Variants in PLXNA4 observed in about 807,000 individuals in gnomAD.
PLXNA4 encodes the protein plexin-A4.
Under a neutral mutation model 191.8 loss-of-function variants are expected in PLXNA4, and 44 were observed. The ratio of observed to expected loss-of-function variants is 0.23; its 90% confidence interval spans 0.18 to 0.29. The LOEUF is 0.29. Ranked by LOEUF, PLXNA4 falls within the 10% of genes least tolerant of loss-of-function variation. The probability of loss-of-function intolerance (pLI) is 1.00; values close to 1 mark genes in which losing one functional copy is unlikely to be tolerated. For missense variants in PLXNA4, 1,800 were observed against 2,488.8 expected, an observed-to-expected ratio of 0.72 and a Z score of 5.89; for synonymous variants, 1,082 against 1,009.5, an observed-to-expected ratio of 1.07 and a Z score of -1.36.
intron 3 of PLXNA4, among the ~76,000 whole-genome samples, chr7:132,467,433 T>C (rs1254453559): frequency 1.3e-5 from 2 of 152,152 alleles, no homozygotes; most frequent in East Asian, 1.9e-4. Flanking sequence ...CTTGTTACTA[T>C]ACTGCTTCAT....
chr7:132,216,269 C>A (rs1797959587), intron 9 of PLXNA4, among the ~76,000 whole-genome samples: 1 of 152,168 alleles, frequency 6.6e-6, no homozygotes, highest in Admixed American at 6.5e-5. Flanking sequence ...CCAGTTCTAT[C>A]CACTATTAAT....
At chr7:132,633,336 G>A (rs1803530631) in intron 2 of PLXNA4, among the ~76,000 whole-genome samples, 1 of 149,860 alleles carries the variant, frequency 6.7e-6, no homozygotes, top group African/African-American at 2.5e-5. Context: ...AGACTGGAGT[G>A]CAGTGGTTCG....
At chr7:132,573,079 G>A (rs1802052788) in intron 1 of PLXNA4, among the ~76,000 whole-genome samples, 1 of 151,702 alleles carries the variant, frequency 6.6e-6, no homozygotes, top group Admixed American at 6.6e-5. Context: ...TTAGCAAGTG[G>A]TGGGGGCAGA....
chr7:132,414,884 A>G (rs1794604118), intron 3 of PLXNA4, among the ~76,000 whole-genome samples: 2 of 152,194 alleles, frequency 1.3e-5, no homozygotes, highest in Admixed American at 6.5e-5. Flanking sequence ...CAAAGGATCC[A>G]TTTCCTAGTT....
At chr7:132,273,891 A>G (rs1387125136) in intron 4 of PLXNA4, among the ~76,000 whole-genome samples, 2 of 152,160 alleles carry the variant, frequency 1.3e-5, no homozygotes, top group African/African-American at 4.8e-5. Flanking sequence ...AACCTGGGTG[A>G]GAGTGTTTAT....
chr7:132,225,389 G>C (rs1160334937), intron 8 of PLXNA4, among the ~76,000 whole-genome samples: 1 of 152,200 alleles, frequency 6.6e-6, no homozygotes, highest in African/African-American at 2.4e-5. Flanking sequence ...AGATGGGACA[G>C]TGCTCCTGCC....
intron 4 of PLXNA4, among the ~76,000 whole-genome samples, chr7:132,271,431 G>GAAA (rs5887561): frequency 1.7e-4 from 22 of 128,470 alleles, no homozygotes; most frequent in Middle Eastern, 4.2e-3. Flanking sequence ...AGTCACTTAG[G>GAAA]AAAAAAAAAA....
At chr7:132,270,375 C>T (rs1315375192) in intron 4 of PLXNA4, among the ~76,000 whole-genome samples, 1 of 152,172 alleles carries the variant, frequency 6.6e-6, no homozygotes, top group Non-Finnish European at 1.5e-5. Flanking sequence ...ACAAATTATT[C>T]AATATATCCC....
intron 22 of PLXNA4, 125 bp from the exon 23 acceptor site, chr7:132,165,325 C>G: frequency 7.3e-7 from 1 of 1,361,758 alleles, no homozygotes; most frequent in Non-Finnish European, 9.6e-7. Flanking sequence ...AGCGTTTAGG[C>G]CAAACCTTGC....
intron 3 of PLXNA4, among the ~76,000 whole-genome samples, chr7:132,438,408 A>G (rs1795556657): frequency 6.6e-6 from 1 of 152,218 alleles, no homozygotes; most frequent in Non-Finnish European, 1.5e-5. Flanking sequence ...CCATGATCTC[A>G]GGTCTAAAAT....
intron 4 of PLXNA4, among the ~76,000 whole-genome samples, chr7:132,243,137 T>C (rs1219082608): frequency 2.0e-5 from 3 of 152,186 alleles, no homozygotes; most frequent in Non-Finnish European, 2.9e-5. Flanking sequence ...TATTACTTAA[T>C]AAATGCAGTT....
At chr7:132,171,422 A>G (rs1317946219) in intron 21 of PLXNA4, among the ~76,000 whole-genome samples, 1 of 152,020 alleles carries the variant, frequency 6.6e-6, no homozygotes, top group East Asian at 1.9e-4. Context: ...ATCTAGCCCT[A>G]CCCCTGGGCT....
intron 5 of PLXNA4, among the ~76,000 whole-genome samples, chr7:132,239,982 G>T (rs767172984): frequency 1.3e-5 from 2 of 152,166 alleles, no homozygotes; most frequent in Non-Finnish European, 2.9e-5. Context: ...AGATGTATTC[G>T]AGTTTAAGAG....
At chr7:132,592,254 G>C (rs1802615442) in intron 2 of PLXNA4, among the ~76,000 whole-genome samples, 1 of 152,092 alleles carries the variant, frequency 6.6e-6, no homozygotes. Flanking sequence ...ACTTTAGAAA[G>C]AGCCTCTCTT....
chr7:132,148,517 TC>T, intron 26 of PLXNA4, 25 bp downstream of exon 26: 1 of 1,613,708 alleles, frequency 6.2e-7, no homozygotes, highest in Non-Finnish European at 8.5e-7. Flanking sequence ...GTTGGCTAGC[TC>T]CTCCCCTTTC....
chr7:132,599,371 A>G (rs769621876), intron 2 of PLXNA4, among the ~76,000 whole-genome samples: 49 of 152,224 alleles, frequency 3.2e-4, no homozygotes, highest in Middle Eastern at 3.2e-3. Flanking sequence ...TGAGCATAGC[A>G]TGTGTCTCCA....
intron 8 of PLXNA4, among the ~76,000 whole-genome samples, chr7:132,224,830 A>G (rs1385861543): frequency 1.3e-5 from 2 of 152,202 alleles, no homozygotes; most frequent in Non-Finnish European, 2.9e-5. Flanking sequence ...CTCTAGACTC[A>G]CAGCTGCCAT....
chr7:132,208,221 G>A (rs541094644), intron 10 of PLXNA4, among the ~76,000 whole-genome samples: 1 of 152,358 alleles, frequency 6.6e-6, no homozygotes, highest in East Asian at 1.9e-4. Context: ...AAATGTCAGA[G>A]CTGAGCCCTC....
chr7:132,291,426 G>A (rs542413370), intron 4 of PLXNA4, among the ~76,000 whole-genome samples: 1 of 152,182 alleles, frequency 6.6e-6, no homozygotes, highest in Admixed American at 6.5e-5. Context: ...CTGTCTCTCT[G>A]CCCAGAATGT....
Sources: gnomAD v4.1 joint callset for allele counts (sites outside exome capture counted in the v4.1 genomes callset) on GRCh38, gnomAD v4.1.1 for gene constraint, MANE v1.5 for transcripts, NCBI Gene and HGNC (gene_info 2026-07-23, HGNC 2026-07-21) for gene names.